Variants in GRM1 observed in about 807,000 individuals in gnomAD.
GRM1 encodes metabotropic glutamate receptor 1.
Under a neutral mutation model 90.9 loss-of-function variants are expected in GRM1, and 33 were observed. The observed-to-expected ratio is 0.36, with a 90% CI of 0.28 to 0.49. The LOEUF (loss-of-function observed/expected upper bound fraction) is 0.49, where lower values mean the gene tolerates loss of function less well. Among genes scored for constraint, GRM1 ranks in the 20% least tolerant of loss-of-function variants. The pLI is 0.99. For synonymous variants in GRM1, 700 were observed against 613.2 expected (o/e 1.14, Z -2.09); for missense variants, 1,190 against 1,534.3 (o/e 0.78, Z 3.75).
At chr6:146,195,499 C>G (rs1384315886) in intron 2 of GRM1, among the ~76,000 whole-genome samples, 2 of 152,252 alleles carry the variant, frequency 1.3e-5, no homozygotes, top group Admixed American at 6.5e-5. Flanking sequence ...TTTCACCCAG[C>G]CTTCCTGCAG....
chr6:146,437,109 G>T lies in GRM1; in HGVS notation c.*2313G>T, dbSNP rs1371044403. ...AATGGCTCCAGTGATTAATAGATGGGTTTTTAGTAATTGACAAATTCATGA... is the reference window on the plus strand; with the variant it reads ...AATGGCTCCAGTGATTAATAGATGGTTTTTTAGTAATTGACAAATTCATGA... On this transcript the variant is annotated 3_prime_UTR_variant, in exon 8 of 8. Transcript: ENST00000282753. 2 of 152,146 alleles carry T rather than the reference G, an allele frequency of 1.3e-5. No homozygotes were observed. Among genetic ancestry groups the T allele is most frequent in the East Asian group, 3.9e-4 (2 of 5,194 alleles). 9.4% of individuals were successfully genotyped at this position (152,146 alleles called of 1,614,324 possible).
intron 1 of GRM1, among the ~76,000 whole-genome samples, chr6:146,088,207 C>T (rs1252226413): frequency 6.6e-6 from 1 of 152,002 alleles, no homozygotes; most frequent in Non-Finnish European, 1.5e-5. Flanking sequence ...GCATCTTTCC[C>T]TGTGCTTATA....
At chr6:146,198,970 A>G (rs991256186) in intron 2 of GRM1, among the ~76,000 whole-genome samples, 1 of 152,148 alleles carries the variant, frequency 6.6e-6, no homozygotes, top group Non-Finnish European at 1.5e-5. Context: ...TTGTTACTGT[A>G]ATTTCAGCTT....
intron 2 of GRM1, among the ~76,000 whole-genome samples, chr6:146,173,298 G>T (rs1040003789): frequency 4.0e-5 from 6 of 151,218 alleles, no homozygotes; most frequent in Non-Finnish European, 7.4e-5. Context: ...GCTGAGGCAG[G>T]AGAATCACTT....
chr6:146,284,157 T>C (rs1317376042), intron 2 of GRM1, among the ~76,000 whole-genome samples: 1 of 152,090 alleles, frequency 6.6e-6, no homozygotes, highest in Non-Finnish European at 1.5e-5. Context: ...GTGGGAAATA[T>C]ATGAGAAGAC....
chr6:146,130,221 C>T (rs1002433437), intron 1 of GRM1, among the ~76,000 whole-genome samples: 1 of 151,792 alleles, frequency 6.6e-6, no homozygotes, highest in African/African-American at 2.4e-5. Flanking sequence ...ATTTAGTTTT[C>T]TCTTTCTTTC....
intron 2 of GRM1, among the ~76,000 whole-genome samples, chr6:146,181,904 A>G (rs13218303): frequency 0.1 from 15,764 of 152,122 alleles, 918 homozygotes; most frequent in South Asian, 0.15. Flanking sequence ...AGTTAATAAG[A>G]GCATACAAAA....
At chr6:146,344,337 G>A (rs1583356887) in intron 3 of GRM1, among the ~76,000 whole-genome samples, 2 of 152,170 alleles carry the variant, frequency 1.3e-5, no homozygotes, top group South Asian at 2.1e-4. Context: ...AATAGATTTC[G>A]CTCAGACTGT....
chr6:146,423,354 A>G (rs564458969), intron 7 of GRM1, among the ~76,000 whole-genome samples: 2 of 152,322 alleles, frequency 1.3e-5, no homozygotes, highest in East Asian at 1.9e-4. Context: ...AACCTTTAAT[A>G]AAACACTCCT....
chr6:146,370,616 C>T (rs527805660), intron 5 of GRM1, among the ~76,000 whole-genome samples: 33 of 152,014 alleles, frequency 2.2e-4, no homozygotes, highest in African/African-American at 7.7e-4. Flanking sequence ...TGGGCCACAG[C>T]GGGTCACTAA....
chr6:146,107,729 G>A (rs1302369504), intron 1 of GRM1, among the ~76,000 whole-genome samples: 10 of 152,160 alleles, frequency 6.6e-5, no homozygotes, highest in African/African-American at 2.4e-4. Flanking sequence ...TATCCATGGA[G>A]TCTGCGAGTT....
chr6:146,278,249 A>G (rs1435911913), intron 2 of GRM1, among the ~76,000 whole-genome samples: 1 of 152,300 alleles, frequency 6.6e-6, no homozygotes, highest in East Asian at 1.9e-4. Context: ...TTTCAGCATA[A>G]TCAGGTGATA....
At chr6:146,047,577 A>G (rs1791380155) in intron 1 of GRM1, among the ~76,000 whole-genome samples, 1 of 138 alleles carries the variant, frequency 7.2e-3, no homozygotes, top group Non-Finnish European at 0.017. Flanking sequence ...TGCCTCAGGA[A>G]AAAAAAAAAA....
At chr6:146,432,146 G>C (rs362815) in intron 7 of GRM1, among the ~76,000 whole-genome samples, 2 of 151,936 alleles carry the variant, frequency 1.3e-5, no homozygotes, top group Non-Finnish European at 2.9e-5. Flanking sequence ...AATGTGTAAG[G>C]CATATATTTG....
chr6:146,315,435 A>C (rs1783933677), intron 3 of GRM1, among the ~76,000 whole-genome samples: 1 of 152,152 alleles, frequency 6.6e-6, no homozygotes, highest in Admixed American at 6.5e-5. Flanking sequence ...ATCCTTAGAG[A>C]TGTAAATAGA....
chr6:146,272,511 A>T (rs545135271), intron 2 of GRM1, among the ~76,000 whole-genome samples: 14 of 152,348 alleles, frequency 9.2e-5, no homozygotes, highest in African/African-American at 3.4e-4. Context: ...TTACTGAATA[A>T]ATACACTACT....
intron 7 of GRM1, among the ~76,000 whole-genome samples, chr6:146,417,107 ACT>A (rs1777814176): frequency 1.3e-5 from 2 of 151,836 alleles, no homozygotes; most frequent in Admixed American, 1.3e-4. Flanking sequence ...CTTAGTTAAG[ACT>A]CTCTGCCTGG....
Position 146,304,920 on chromosome 6 carries a change from A to G in GRM1, c.1186+74A>G, listed in dbSNP as rs1015804278. The G allele has an allele frequency of 2.8e-6, 3 of 1,055,244 alleles. No individual in the cohort carries two copies. In the African/African-American group the frequency reaches 4.7e-5, roughly 16 times the overall value. The allele number at this position is 1,055,244 out of a possible 1,614,324, so 65.4% of individuals were successfully genotyped here. On this transcript the variant is annotated intron_variant, in intron 3 of 7. Coordinates refer to ENST00000282753, the MANE Select transcript of GRM1 (RefSeq NM_001278064.2). ...TAGATTTATTGCAACTTGTTGAATGAGAATAGAAGGTGCCAGGGCTAGAGA... is the reference window on the plus strand; with the variant it reads ...TAGATTTATTGCAACTTGTTGAATGGGAATAGAAGGTGCCAGGGCTAGAGA...
In GRM1 at chr6:146,434,585, A is replaced by G; in HGVS notation, c.3374A>G (p.Glu1125Gly). The change falls in exon 8 of 8, where the codon GAA becomes GGA. Residue 1125 changes from glutamate (E) to glycine (G), a missense_variant. Around this residue, in one of 10 missense-constraint regions of GRM1, gnomAD observed 400 missense variants for 360.8 expected, o/e 1.11. Transcript: ENST00000282753. ...GGGAACACGGAAGAAGACGAACTGGAAGAGGAGGAGGAGGACCTGCAGGCG... is the reference window on the plus strand; with the variant it reads ...GGGAACACGGAAGAAGACGAACTGGGAGAGGAGGAGGAGGACCTGCAGGCG... The part of the protein sequence containing the change: ...REGNTEEDEL[E>G]EEEEDLQAAS... 6.2e-7 allele frequency: 1 copy of G among 1,613,818 alleles called. No individual in the cohort carries two copies. The highest frequency in any genetic ancestry group is 8.5e-7 in the Non-Finnish European group (1 of 1,179,960).
Sources: allele counts gnomAD v4.1 joint callset (sites outside exome capture counted in the v4.1 genomes callset), GRCh38; gene constraint gnomAD v4.1.1; regional missense constraint gnomAD v4.1.1; transcripts MANE v1.5; gene names NCBI Gene and HGNC (gene_info 2026-07-23, HGNC 2026-07-21).